The following CDH13 variants were observed in gnomAD, a reference collection of about 807,000 sequenced individuals.
CDH13 encodes cadherin 13, also known as cadherin-13.
A neutral mutation model predicts 63.8 loss-of-function variants in CDH13; 24 were observed. That is an observed-to-expected ratio of 0.38 (90% CI 0.27 to 0.53). CDH13 has a LOEUF of 0.53. Among genes scored for constraint, CDH13 ranks in the 20% least tolerant of loss-of-function variants. The probability of loss-of-function intolerance (pLI) is 0.85; values close to 1 mark genes in which losing one functional copy is unlikely to be tolerated. For missense variants in CDH13, 1,049 were observed against 903.1 expected, an observed-to-expected ratio of 1.16 and a Z score of -2.07; for synonymous variants, 503 against 355.3, an observed-to-expected ratio of 1.42 and a Z score of -4.67.
Position 82,867,344 on chromosome 16 carries a change from A to G in CDH13, c.157+8871A>G, listed in dbSNP as rs1018021157. On this transcript the variant is annotated intron_variant, in intron 2 of 13. Transcript: ENST00000567109. ...GCCGGTGTGTTTTCCCATCACTTTT[A>G]TCAACCAGGGTGAGATAGAGAGAAC... Among the ~76,000 whole-genome samples the G allele has an allele frequency of 5.9e-5, 9 of 152,252 alleles. No homozygotes were observed. In the South Asian group the frequency reaches 1.9e-3, roughly 32 times the overall value.
chr16:83,041,578 G>C (rs903467184), intron 3 of CDH13, among the ~76,000 whole-genome samples: 32 of 152,114 alleles, frequency 2.1e-4, no homozygotes, highest in African/African-American at 7.7e-4. Flanking sequence ...CTACCTATCA[G>C]AATCTCAGGA....
At position 82,644,969 on chromosome 16, in the gene CDH13, G is replaced by A. The variant is rs1909913226; in HGVS notation, c.45+17832G>A. On this transcript the variant is annotated intron_variant, in intron 1 of 13. Coordinates refer to ENST00000567109, the MANE Select transcript of CDH13 (RefSeq NM_001257.5). This position sits in a 1 kb window ranked among gnomAD's most constrained non-coding sequence, Gnocchi z 5.7. ...AATATTTTGGAAAACTCTGGAGTTAGAGAAGTGGACCAGATTGGGTTTTGT... is the reference window on the plus strand; with the variant it reads ...AATATTTTGGAAAACTCTGGAGTTAAAGAAGTGGACCAGATTGGGTTTTGT... Among the ~76,000 whole-genome samples the A allele has an allele frequency of 6.6e-6, 1 of 152,338 alleles. No individual in the cohort carries two copies. The highest frequency in any genetic ancestry group is 2.1e-4 in the South Asian group (1 of 4,828).
At chr16:83,478,395 C>T (rs1436855732) in intron 6 of CDH13, among the ~76,000 whole-genome samples, 1 of 152,074 alleles carries the variant, frequency 6.6e-6, no homozygotes, top group Non-Finnish European at 1.5e-5. Flanking sequence ...CCAGTCTGAC[C>T]ACAGAGAGTC....
chr16:82,938,166 G>A (rs1430993514), intron 2 of CDH13, among the ~76,000 whole-genome samples: 1 of 152,160 alleles, frequency 6.6e-6, no homozygotes, highest in Non-Finnish European at 1.5e-5. Context: ...ACTGAAAAGG[G>A]CATTGAGTTA....
chr16:82,627,337 C>CTTGTGT (rs1361611702), intron 1 of CDH13, among the ~76,000 whole-genome samples, 200 bp downstream of exon 1: 227 of 131,252 alleles, frequency 1.7e-3, no homozygotes, highest in African/African-American at 6.1e-3. Context: ...CTCTGGCGTG[C>CTTGTGT]GTGTGTGTGT....
At position 83,608,103 on chromosome 16, in the gene CDH13, G is replaced by T. The variant is rs567885296; in HGVS notation, c.1101+5509G>T. 3.3e-5 allele frequency among the ~76,000 whole-genome samples: 5 copies of T among 152,186 alleles called. No homozygotes were observed. In the East Asian group the frequency reaches 7.7e-4, roughly 23 times the overall value. ...AGAAAATTTCAAATTTCATTTTCCAGTTCTACCTTAAAATGGCAATTGGTC... is the reference window on the plus strand; with the variant it reads ...AGAAAATTTCAAATTTCATTTTCCATTTCTACCTTAAAATGGCAATTGGTC... On this transcript the variant is annotated intron_variant, in intron 8 of 13. Transcript: ENST00000567109.
At chr16:82,866,470 C>T (rs998520348) in intron 2 of CDH13, among the ~76,000 whole-genome samples, 2 of 135,346 alleles carry the variant, frequency 1.5e-5, no homozygotes, top group East Asian at 4.8e-4. Context: ...CTCACTGCAA[C>T]CTCTGCCTCC....
chr16:82,698,395 G>A (rs562796121), intron 1 of CDH13, among the ~76,000 whole-genome samples: 1 of 152,336 alleles, frequency 6.6e-6, no homozygotes, highest in East Asian at 1.9e-4. Context: ...GTATCAGGTA[G>A]CTTTTGCTCT....
intron 5 of CDH13, among the ~76,000 whole-genome samples, chr16:83,226,784 G>C (rs1056898660): frequency 6.6e-6 from 1 of 152,194 alleles, no homozygotes; most frequent in Non-Finnish European, 1.5e-5. Flanking sequence ...CAGGACTTGA[G>C]ATTCCCTGGC....
intron 8 of CDH13, among the ~76,000 whole-genome samples, chr16:83,670,571 AT>A (rs1481828678): frequency 6.6e-6 from 1 of 152,232 alleles, no homozygotes; most frequent in African/African-American, 2.4e-5. Context: ...GGTCAGTATC[AT>A]TGCTGCCCAC....
chr16:82,729,756 C>A (rs1201766504), intron 1 of CDH13, among the ~76,000 whole-genome samples: 1 of 152,146 alleles, frequency 6.6e-6, no homozygotes, highest in Non-Finnish European at 1.5e-5. Context: ...TCTATCTAGG[C>A]AATTCCTAGA....
intron 11 of CDH13, among the ~76,000 whole-genome samples, chr16:83,760,803 A>G (rs949551011): frequency 6.6e-6 from 1 of 152,232 alleles, no homozygotes; most frequent in Admixed American, 6.5e-5. Context: ...GGCTGCAGAG[A>G]GAGAGCACGT....
chr16:83,015,723 A>ATATATG lies in CDH13; in HGVS notation c.158-16287_158-16286insTATATG, dbSNP rs1293160001. On this transcript the variant is annotated intron_variant, in intron 2 of 13. Transcript: ENST00000567109. ...TATATATATATATATATATATATATAAAGAAAAAGCACGAGCAATAAATCT... is the reference window on the plus strand; with the variant it reads ...TATATATATATATATATATATATATATATATGAAGAAAAAGCACGAGCAATAAATCT... Among the ~76,000 whole-genome samples, 3 of 125,702 alleles carry ATATATG rather than the reference A, an allele frequency of 2.4e-5. No homozygotes were observed. In the Admixed American group the frequency reaches 2.5e-4, roughly 10 times the overall value. 82.5% of individuals were successfully genotyped at this position (125,702 alleles called of 152,430 possible). A position where few individuals can be genotyped will look rare whatever the true frequency, so the allele number is the denominator to read the frequency against.
chr16:83,271,500 T>TA (rs55782083), intron 5 of CDH13, among the ~76,000 whole-genome samples: 30,974 of 135,142 alleles, frequency 0.23, 3,426 homozygotes, highest in Admixed American at 0.25. Context: ...GGCTTTTATT[T>TA]AAAAAAAAAC....
intron 5 of CDH13, among the ~76,000 whole-genome samples, chr16:83,229,545 T>A (rs1212510418): frequency 6.6e-6 from 1 of 152,170 alleles, no homozygotes; most frequent in East Asian, 1.9e-4. Flanking sequence ...CAAAATTTAT[T>A]AAACACAGTT....
At chr16:83,067,277 A>C (rs2032091206) in intron 3 of CDH13, among the ~76,000 whole-genome samples, 1 of 152,162 alleles carries the variant, frequency 6.6e-6, no homozygotes, top group African/African-American at 2.4e-5. Context: ...TCTGCATAGT[A>C]CAGTGGTTAA....
At chr16:83,156,444 T>A (rs1046638696) in intron 4 of CDH13, among the ~76,000 whole-genome samples, 1 of 152,188 alleles carries the variant, frequency 6.6e-6, no homozygotes, top group African/African-American at 2.4e-5. Context: ...ACACCCCATC[T>A]ACAAAGGCGA....
At chr16:83,460,646 T>G (rs1598072901) in intron 6 of CDH13, among the ~76,000 whole-genome samples, 3 of 152,026 alleles carry the variant, frequency 2.0e-5, no homozygotes. Context: ...ACTATTAGGT[T>G]TAGAAACAGA....
At chr16:83,373,496 A>T (rs1245750610) in intron 6 of CDH13, among the ~76,000 whole-genome samples, 1 of 152,168 alleles carries the variant, frequency 6.6e-6, no homozygotes, top group African/African-American at 2.4e-5. Flanking sequence ...AGAGTAAGGC[A>T]TGATCTGAGA....
Sources: gnomAD v4.1 joint callset for allele counts (sites outside exome capture counted in the v4.1 genomes callset) on GRCh38, gnomAD v4.1.1 for gene constraint, Gnocchi (gnomAD v3.1) non-coding constraint, MANE v1.5 for transcripts, NCBI Gene and HGNC (gene_info 2026-07-23, HGNC 2026-07-21) for gene names.